The following FBXL20 variants were observed in gnomAD, a reference collection of about 807,000 sequenced individuals.
The protein encoded by FBXL20 is F-box/LRR-repeat protein 20.
In FBXL20, 11 loss-of-function variants were observed where a neutral mutation model predicts 64.0. The observed-to-expected ratio is 0.17, with a 90% confidence interval of 0.11 to 0.28. FBXL20 has a LOEUF of 0.28. Ranked by LOEUF, FBXL20 falls within the 10% of genes least tolerant of loss-of-function variation. The pLI is 1.00. For synonymous variants in FBXL20, 184 were observed against 189.0 expected (o/e 0.97, Z 0.22); for missense variants, 303 against 526.2 (o/e 0.58, Z 4.15).
At chr17:39,374,386 A>T (rs1014958459) in intron 1 of FBXL20, among the ~76,000 whole-genome samples, 3 of 151,606 alleles carry the variant, frequency 2.0e-5, no homozygotes, top group Admixed American at 6.6e-5. Context: ...AAAAAAAAAA[A>T]TTAATCAGGC....
chr17:39,377,461 G>A (rs1382610627), intron 1 of FBXL20, among the ~76,000 whole-genome samples: 2 of 151,978 alleles, frequency 1.3e-5, no homozygotes, highest in African/African-American at 2.4e-5. Context: ...CTGGCTCTGC[G>A]TGAATTATTC....
intron 9 of FBXL20, among the ~76,000 whole-genome samples, chr17:39,280,558 C>T (rs1046133018): frequency 3.6e-5 from 5 of 138,214 alleles, no homozygotes; most frequent in Non-Finnish European, 7.8e-5. Flanking sequence ...CAGAGTAAGA[C>T]TTTGCCTCAA....
rs1419869116 is a variant in FBXL20 at position 39,259,547 on chromosome 17, T to TG, written c.*1912dup. Reference sequence around the variant, plus strand: ...TGGGAAGACAGAGGGTGCTTCTTCTTGGACTCTTGAGTCCTGGACACTAAA... The same window carrying TG: ...TGGGAAGACAGAGGGTGCTTCTTCTTGGGACTCTTGAGTCCTGGACACTAAA... On this transcript the variant is annotated 3_prime_UTR_variant, in exon 15 of 15. Transcript: ENST00000264658. 1 of 152,156 alleles carries TG rather than the reference T, an allele frequency of 6.6e-6. No homozygotes were observed. Among genetic ancestry groups the TG allele is most frequent in the African/African-American group, 2.4e-5 (1 of 41,430 alleles). The allele number at this position is 152,156 out of a possible 1,614,324, so 9.4% of individuals were successfully genotyped here. A position where few individuals can be genotyped will look rare whatever the true frequency, so the allele number is the denominator to read the frequency against.
At chr17:39,271,366 G>A (rs1222006723) in intron 10 of FBXL20, among the ~76,000 whole-genome samples, 1 of 152,080 alleles carries the variant, frequency 6.6e-6, no homozygotes. Flanking sequence ...GGGAGGCCGA[G>A]GTGGGCGGAT....
intron 1 of FBXL20, among the ~76,000 whole-genome samples, chr17:39,353,736 C>T (rs528121422): frequency 1.3e-5 from 2 of 152,100 alleles, no homozygotes; most frequent in South Asian, 4.1e-4. Context: ...GATTCTCCTG[C>T]CTCAGCCTCC....
In FBXL20 at chr17:39,253,824, T is replaced by C. The variant is rs1028726965; in HGVS notation, c.*7636A>G. 3 of 152,198 alleles carry C rather than the reference T, an allele frequency of 2.0e-5. No individual in the cohort carries two copies. The highest frequency in any genetic ancestry group is 7.2e-5 in the African/African-American group (3 of 41,438). The allele number at this position is 152,198 out of a possible 1,614,324, so 9.4% of individuals were successfully genotyped here. On this transcript the variant is annotated 3_prime_UTR_variant, in exon 15 of 15. Transcript: ENST00000264658. ...ATCTATTATATAGGAAAGAAAATTA[T>C]TTGTCCACAGGGGAAAAAAGTAATC...
chr17:39,344,942 C>G (rs553266809), intron 1 of FBXL20, among the ~76,000 whole-genome samples: 1 of 152,280 alleles, frequency 6.6e-6, no homozygotes, highest in South Asian at 2.1e-4. Context: ...TCAAATTACT[C>G]ACAACGGATA....
At chr17:39,287,502 G>A (rs1184244917) in intron 6 of FBXL20, among the ~76,000 whole-genome samples, 1 of 151,962 alleles carries the variant, frequency 6.6e-6, no homozygotes, top group Non-Finnish European at 1.5e-5. Flanking sequence ...CCAACTCCTG[G>A]GCTCAAGCGA....
chr17:39,321,394 A>C (rs2047354660), intron 2 of FBXL20, among the ~76,000 whole-genome samples: 2 of 149,020 alleles, frequency 1.3e-5, no homozygotes, highest in Admixed American at 1.4e-4. Flanking sequence ...TGAACCCAGG[A>C]GTTGGAGGTT....
intron 1 of FBXL20, among the ~76,000 whole-genome samples, chr17:39,393,008 G>C (rs2048149120): frequency 6.6e-6 from 1 of 150,908 alleles, no homozygotes; most frequent in African/African-American, 2.4e-5. Context: ...AAAAAAAATA[G>C]GCCGGCACGG....
chr17:39,324,141 G>A (rs1181506442), intron 2 of FBXL20, among the ~76,000 whole-genome samples: 2 of 148,584 alleles, frequency 1.3e-5, no homozygotes, highest in South Asian at 2.1e-4. Flanking sequence ...ACACTTCACC[G>A]TGTACTAAAG....
At chr17:39,337,554 C>G (rs1204984768) in intron 2 of FBXL20, among the ~76,000 whole-genome samples, 3 of 149,508 alleles carry the variant, frequency 2.0e-5, no homozygotes, top group Non-Finnish European at 4.5e-5. Flanking sequence ...GCCTCTGCCC[C>G]GCCGCCCCGT....
rs9943318 is a variant in FBXL20 at position 39,337,450 on chromosome 17, G to A, written c.104+5730C>T. Among the ~76,000 whole-genome samples the A allele has an allele frequency of 2.7e-3, 400 of 150,348 alleles. 2 individuals carry two copies. Among genetic ancestry groups the A allele is most frequent in the Admixed American group, 4.4e-3 (67 of 15,092 alleles). ...GAGCGTCTCTGCCTGGCAGCCCATC[G>A]TCTGGGATGTGAGGAGCCCCTCTGC... On this transcript the variant is annotated intron_variant, in intron 2 of 14. Transcript: ENST00000264658.
chr17:39,270,689 C>T, intron 11 of FBXL20, 107 bp downstream of exon 11: 1 of 916,676 alleles, frequency 1.1e-6, no homozygotes, highest in South Asian at 1.6e-5. Flanking sequence ...CTCACTCACC[C>T]AATTCTGCTA....
chr17:39,276,045 G>A (rs2046888009), intron 9 of FBXL20, among the ~76,000 whole-genome samples: 1 of 151,310 alleles, frequency 6.6e-6, no homozygotes, highest in Admixed American at 6.6e-5. Flanking sequence ...TCGGGAGTTC[G>A]AGACCAGCCT....
intron 2 of FBXL20, among the ~76,000 whole-genome samples, chr17:39,316,431 G>A (rs929346443): frequency 2.0e-5 from 3 of 152,022 alleles, no homozygotes; most frequent in African/African-American, 7.2e-5. Flanking sequence ...TCTAGTAGAA[G>A]GAATCAGGGC....
chr17:39,285,215 T>C (rs1238385199), intron 7 of FBXL20, among the ~76,000 whole-genome samples: 1 of 152,128 alleles, frequency 6.6e-6, no homozygotes, highest in East Asian at 1.9e-4. Context: ...TATTTTCTTT[T>C]TGAAAATAAG....
chr17:39,282,025 A>G (rs2046954079), intron 8 of FBXL20, among the ~76,000 whole-genome samples: 1 of 152,204 alleles, frequency 6.6e-6, no homozygotes, highest in African/African-American at 2.4e-5. Flanking sequence ...GCAGTCATAC[A>G]TCTGAAATTC....
intron 1 of FBXL20, among the ~76,000 whole-genome samples, chr17:39,360,317 A>C (rs1479014436): frequency 6.6e-6 from 1 of 152,182 alleles, no homozygotes; most frequent in African/African-American, 2.4e-5. Context: ...GATGGTGGTG[A>C]CAGGTTTCAT....
Sources: allele counts gnomAD v4.1 joint callset (sites outside exome capture counted in the v4.1 genomes callset), GRCh38; gene constraint gnomAD v4.1.1; transcripts MANE v1.5; gene names NCBI Gene and HGNC (gene_info 2026-07-23, HGNC 2026-07-21).